LHFPL3: variants seen among roughly 807,000 people sequenced by gnomAD.
The protein encoded by LHFPL3 is LHFPL tetraspan subfamily member 3 protein.
LHFPL3 carries 5 observed loss-of-function variants against 19.3 expected under a neutral mutation model. The observed-to-expected ratio is 0.26, with a 90% CI of 0.14 to 0.54. The LOEUF (loss-of-function observed/expected upper bound fraction) is 0.54. Ranked by LOEUF, LHFPL3 falls within the 20% of genes least tolerant of loss-of-function variation. The probability of loss-of-function intolerance (pLI) is 0.94; values close to 1 mark genes in which losing one functional copy is unlikely to be tolerated. For missense variants in LHFPL3, 249 were observed against 307.4 expected, an observed-to-expected ratio of 0.81 and a Z score of 1.42; for synonymous variants, 133 against 126.2, an observed-to-expected ratio of 1.05 and a Z score of -0.36.
chr7:104,673,378 C>T (rs1475888729), intron 1 of LHFPL3, among the ~76,000 whole-genome samples: 2 of 152,206 alleles, frequency 1.3e-5, no homozygotes, highest in Admixed American at 1.3e-4. Context: ...TCTCGTCTAA[C>T]ACTTTTTGGA....
intron 1 of LHFPL3, among the ~76,000 whole-genome samples, chr7:104,387,314 G>A (rs987309107): frequency 1.3e-5 from 2 of 152,106 alleles, no homozygotes; most frequent in Non-Finnish European, 2.9e-5. Context: ...GTTGCAGTAA[G>A]CCAAGATCAT....
chr7:104,797,100 G>C (rs995867325), intron 2 of LHFPL3, among the ~76,000 whole-genome samples: 7 of 152,164 alleles, frequency 4.6e-5, no homozygotes, highest in African/African-American at 1.7e-4. Flanking sequence ...GTCCACTCCT[G>C]GTGTCAGAAA....
At chr7:104,628,078 C>T (rs1460990773) in intron 1 of LHFPL3, among the ~76,000 whole-genome samples, 2 of 151,988 alleles carry the variant, frequency 1.3e-5, no homozygotes, top group African/African-American at 2.4e-5. Flanking sequence ...TCTTGGATGC[C>T]TTGGATGGAA....
chr7:104,650,979 C>CT (rs1178813231), intron 1 of LHFPL3, among the ~76,000 whole-genome samples: 1 of 152,182 alleles, frequency 6.6e-6, no homozygotes, highest in Non-Finnish European at 1.5e-5. Context: ...TCTCAAAGGA[C>CT]TTTTAAGAAT....
intron 2 of LHFPL3, among the ~76,000 whole-genome samples, chr7:104,830,850 T>G (rs1790938743): frequency 6.6e-6 from 1 of 151,918 alleles, no homozygotes; most frequent in Non-Finnish European, 1.5e-5. Context: ...ATTGCTGGGC[T>G]TCTCATGGAA....
At chr7:104,546,698 A>G (rs1001267499) in intron 1 of LHFPL3, among the ~76,000 whole-genome samples, 7 of 152,208 alleles carry the variant, frequency 4.6e-5, no homozygotes, top group Non-Finnish European at 8.8e-5. Flanking sequence ...CTTTCAATTA[A>G]TTCGGGGATC....
chr7:104,571,174 T>A (rs1790223703), intron 1 of LHFPL3, among the ~76,000 whole-genome samples: 1 of 152,242 alleles, frequency 6.6e-6, no homozygotes, highest in South Asian at 2.1e-4. Flanking sequence ...CTAAATGGAT[T>A]ATAATGTTAG....
chr7:104,608,909 A>G (rs1390446774), intron 1 of LHFPL3, among the ~76,000 whole-genome samples: 1 of 152,182 alleles, frequency 6.6e-6, no homozygotes, highest in Non-Finnish European at 1.5e-5. Flanking sequence ...TGAGGTTGTT[A>G]AAAGAATTAA....
intron 1 of LHFPL3, among the ~76,000 whole-genome samples, chr7:104,480,712 C>A (rs1331511352): frequency 6.6e-6 from 1 of 152,056 alleles, no homozygotes; most frequent in African/African-American, 2.4e-5. Context: ...ACACAGTGTA[C>A]CAGAGCTGAA....
At chr7:104,825,067 A>G (rs948889201) in intron 2 of LHFPL3, among the ~76,000 whole-genome samples, 4 of 150,710 alleles carry the variant, frequency 2.7e-5, no homozygotes, top group African/African-American at 9.8e-5. Flanking sequence ...TGAATGAGTA[A>G]GTGACAGGGG....
At chr7:104,676,818 CA>C in intron 1 of LHFPL3, among the ~76,000 whole-genome samples, 1 of 152,178 alleles carries the variant, frequency 6.6e-6, no homozygotes, top group East Asian at 1.9e-4. Context: ...CTATTTGTAT[CA>C]AAAGCCTGAA....
intron 2 of LHFPL3, among the ~76,000 whole-genome samples, chr7:104,872,037 G>A (rs1423054075): frequency 6.7e-6 from 1 of 149,456 alleles, no homozygotes; most frequent in East Asian, 2.0e-4. Context: ...AAACTTTTTT[G>A]TTAAAAACTA....
chr7:104,401,668 G>A (rs185550578), intron 1 of LHFPL3, among the ~76,000 whole-genome samples: 104 of 152,250 alleles, frequency 6.8e-4, no homozygotes, highest in African/African-American at 2.4e-3. Flanking sequence ...TTAGAAAATA[G>A]CAGTCAAGAC....
At chr7:104,381,210 A>G (rs1790821678) in intron 1 of LHFPL3, among the ~76,000 whole-genome samples, 1 of 152,162 alleles carries the variant, frequency 6.6e-6, no homozygotes, top group African/African-American at 2.4e-5. Flanking sequence ...AGTGGGTGCT[A>G]TTCTTCTGTG....
At chr7:104,562,126 C>T (rs1318895559) in intron 1 of LHFPL3, among the ~76,000 whole-genome samples, 3 of 149,816 alleles carry the variant, frequency 2.0e-5, no homozygotes, top group African/African-American at 4.9e-5. Context: ...TTTTTTCCTT[C>T]ATTTCAACTT....
chr7:104,387,360 C>A (rs1790967469), intron 1 of LHFPL3, among the ~76,000 whole-genome samples: 1 of 151,780 alleles, frequency 6.6e-6, no homozygotes. Flanking sequence ...AAGAATGAAA[C>A]TTGGTCTCAA....
intron 2 of LHFPL3, among the ~76,000 whole-genome samples, chr7:104,873,945 G>C (rs1791884642): frequency 6.6e-6 from 1 of 152,202 alleles, no homozygotes; most frequent in South Asian, 2.1e-4. Flanking sequence ...GGGGGCAGGG[G>C]CCCACACTGG....
At chr7:104,724,949 A>G (rs545813123) in intron 1 of LHFPL3, among the ~76,000 whole-genome samples, 1 of 152,312 alleles carries the variant, frequency 6.6e-6, no homozygotes, top group East Asian at 1.9e-4. Flanking sequence ...GCATTCTCCA[A>G]CCAGTCAACT....
intron 2 of LHFPL3, among the ~76,000 whole-genome samples, chr7:104,861,075 G>C (rs911668368): frequency 6.6e-6 from 1 of 152,068 alleles, no homozygotes; most frequent in African/African-American, 2.4e-5. Flanking sequence ...AGAGAGAGCC[G>C]GTGAATTCTC....
Sources: gnomAD v4.1 joint callset for allele counts (sites outside exome capture counted in the v4.1 genomes callset) on GRCh38, gnomAD v4.1.1 for gene constraint, MANE v1.5 for transcripts, NCBI Gene and HGNC (gene_info 2026-07-23, HGNC 2026-07-21) for gene names.